The following ANO2 variants were observed in gnomAD, a reference collection of about 807,000 sequenced individuals.
ANO2 encodes the protein anoctamin-2.
ANO2 carries 101 observed loss-of-function variants against 124.2 expected under a neutral mutation model. The ratio of observed to expected loss-of-function variants is 0.81; its 90% confidence interval spans 0.69 to 0.96. The LOEUF (loss-of-function observed/expected upper bound fraction) is 0.96. Ranked by LOEUF, ANO2 falls within the 40% of genes least tolerant of loss-of-function variation. ANO2 has a pLI of 0.00. For missense variants in ANO2, 1,293 were observed against 1,274.5 expected, an observed-to-expected ratio of 1.01 and a Z score of -0.22; for synonymous variants, 486 against 482.5, an observed-to-expected ratio of 1.01 and a Z score of -0.09.
chr12:5,661,716 C>G (rs1379974125), intron 14 of ANO2, among the ~76,000 whole-genome samples: 2 of 152,162 alleles, frequency 1.3e-5, no homozygotes, highest in Non-Finnish European at 2.9e-5. Flanking sequence ...TTAAAAATAC[C>G]CCGATTCCTG....
At chr12:5,676,080 T>A (rs961619462) in intron 14 of ANO2, among the ~76,000 whole-genome samples, 1 of 152,174 alleles carries the variant, frequency 6.6e-6, no homozygotes, top group Non-Finnish European at 1.5e-5. Context: ...TTTCTGCTCC[T>A]CACCAGGGAT....
Position 5,900,924 on chromosome 12 carries a change from G to A in ANO2, c.534+20116C>T, listed in dbSNP as rs977503134. 5.9e-5 allele frequency among the ~76,000 whole-genome samples: 9 copies of A among 152,166 alleles called. No homozygotes were observed. Among genetic ancestry groups the A allele is most frequent in the East Asian group, 3.8e-4 (2 of 5,196 alleles). On this transcript the variant is annotated intron_variant, in intron 3 of 24. Transcript: ENST00000682330. This position sits in a 1 kb window ranked among gnomAD's most constrained non-coding sequence, Gnocchi z 4.2. ...TCTCAGTCTAGGTCATTCCCCTGCC[G>A]GCAGCACTTTGATGGCTTTTTGTAT...
At chr12:5,600,317 C>G (rs986082687) in intron 19 of ANO2, among the ~76,000 whole-genome samples, 2 of 152,180 alleles carry the variant, frequency 1.3e-5, no homozygotes, top group African/African-American at 4.8e-5. Context: ...GTAAGAAGAG[C>G]CCTCATCAGA....
At chr12:5,686,136 C>G (rs1948696670) in intron 14 of ANO2, among the ~76,000 whole-genome samples, 1 of 152,146 alleles carries the variant, frequency 6.6e-6, no homozygotes, top group African/African-American at 2.4e-5. Context: ...GGGTAGCTCT[C>G]GAGAACAGTA....
chr12:5,642,814 C>G, intron 15 of ANO2, among the ~76,000 whole-genome samples: 1 of 152,186 alleles, frequency 6.6e-6, no homozygotes, highest in East Asian at 1.9e-4. Context: ...GAGTGCTCAG[C>G]TCCAGCCACA....
chr12:5,885,281 G>A (rs79372063), intron 3 of ANO2, among the ~76,000 whole-genome samples: 4,081 of 152,302 alleles, frequency 0.027, 81 homozygotes, highest in Middle Eastern at 0.051. Context: ...AAGCTTTCAA[G>A]TTGGGTGAGC....
chr12:5,899,436 TC>T (rs1328148506), intron 3 of ANO2, among the ~76,000 whole-genome samples: 6 of 152,176 alleles, frequency 3.9e-5, no homozygotes, highest in Non-Finnish European at 8.8e-5. Context: ...AAGAAAGCAG[TC>T]CTGTGTCATG....
intron 15 of ANO2, among the ~76,000 whole-genome samples, chr12:5,641,265 C>T (rs1165948128): frequency 6.6e-6 from 1 of 152,034 alleles, no homozygotes; most frequent in Admixed American, 6.6e-5. Flanking sequence ...AGGAGAAATA[C>T]CTAATGTAAA....
rs752984514 is a variant in ANO2, at chr12:5,806,135, C to G, written c.949-42G>C. 3.2e-6 allele frequency: 5 copies of G among 1,586,152 alleles called. No individual in the cohort carries two copies. The South Asian group carries it at 4.6e-5, about 15-fold the overall frequency. On this transcript the variant is annotated intron_variant, in intron 8 of 24. Coordinates refer to ENST00000682330, the MANE Select transcript of ANO2 (RefSeq NM_001364791.2). ...ATGCTGGATAAAGCCAATGAAATTA[C>G]CAGAAGCAGGTGCCAAAGGAGAAAG...
intron 10 of ANO2, among the ~76,000 whole-genome samples, chr12:5,753,573 CA>C (rs1951498155): frequency 6.6e-6 from 1 of 152,008 alleles, no homozygotes; most frequent in African/African-American, 2.4e-5. Context: ...TTTCTTTTAT[CA>C]ACGTTTTATA....
intron 1 of ANO2, among the ~76,000 whole-genome samples, chr12:5,938,492 A>C (rs1942751113): frequency 6.6e-6 from 1 of 152,216 alleles, no homozygotes. Context: ...TATAGGCATG[A>C]GCCACTGCAC....
chr12:5,730,036 A>G (rs1461698075), intron 14 of ANO2, among the ~76,000 whole-genome samples: 1 of 152,236 alleles, frequency 6.6e-6, no homozygotes, highest in Non-Finnish European at 1.5e-5. Context: ...GATAATAAAA[A>G]TGTTTTAAAT....
At chr12:5,585,950 C>T (rs1943090653) in intron 20 of ANO2, among the ~76,000 whole-genome samples, 1 of 152,172 alleles carries the variant, frequency 6.6e-6, no homozygotes, top group Non-Finnish European at 1.5e-5. Context: ...GAGGACAAAA[C>T]AAGTAAGAAA....
At chr12:5,831,507 G>C (rs868033464) in intron 5 of ANO2, among the ~76,000 whole-genome samples, 3 of 152,198 alleles carry the variant, frequency 2.0e-5, no homozygotes, top group Admixed American at 6.5e-5. Context: ...GCCCAGCTCA[G>C]CCACTTAGGG....
At chr12:5,832,974 T>C (rs1954202786) in intron 4 of ANO2, among the ~76,000 whole-genome samples, 1 of 152,220 alleles carries the variant, frequency 6.6e-6, no homozygotes, top group Non-Finnish European at 1.5e-5. Context: ...GGTAATACTA[T>C]TTCCATATGA....
chr12:5,780,872 A>G (rs1952371554), intron 10 of ANO2, among the ~76,000 whole-genome samples: 1 of 152,226 alleles, frequency 6.6e-6, no homozygotes, highest in Non-Finnish European at 1.5e-5. Context: ...GGAAAAAAGG[A>G]AACCTTGATG....
At chr12:5,629,620 C>A (rs886676808) in intron 16 of ANO2, among the ~76,000 whole-genome samples, 3 of 152,154 alleles carry the variant, frequency 2.0e-5, no homozygotes, top group Non-Finnish European at 4.4e-5. Flanking sequence ...GGACCCGGAC[C>A]CTTTCTCTAC....
At chr12:5,578,281 G>A (rs1942536291) in intron 21 of ANO2, 85 bp downstream of exon 21, 2 of 1,522,380 alleles carry the variant, frequency 1.3e-6, no homozygotes, top group South Asian at 1.3e-5. Context: ...CAGCCCTCTT[G>A]ATTCCTGGTG....
intron 13 of ANO2, among the ~76,000 whole-genome samples, chr12:5,735,634 G>A (rs1036561766): frequency 6.6e-6 from 1 of 152,174 alleles, no homozygotes; most frequent in South Asian, 2.1e-4. Context: ...GGGAGTTGGG[G>A]GAGGCCAATC....
Sources: allele counts gnomAD v4.1 joint callset (sites outside exome capture counted in the v4.1 genomes callset), GRCh38; gene constraint gnomAD v4.1.1; non-coding constraint Gnocchi (gnomAD v3.1); transcripts MANE v1.5; gene names NCBI Gene and HGNC (gene_info 2026-07-23, HGNC 2026-07-21).